EYA1: variants seen among roughly 807,000 people sequenced by gnomAD.
EYA1 encodes the protein protein phosphatase EYA1.
A neutral mutation model predicts 82.0 loss-of-function variants in EYA1; 16 were observed. That is an observed-to-expected ratio of 0.20 (90% confidence interval 0.13 to 0.30). EYA1 has a LOEUF of 0.30. Ranked by LOEUF, EYA1 falls within the 10% of genes least tolerant of loss-of-function variation. The probability of loss-of-function intolerance (pLI) is 1.00; values close to 1 mark genes in which losing one functional copy is unlikely to be tolerated. For missense variants in EYA1, 633 were observed against 730.7 expected, an observed-to-expected ratio of 0.87 and a Z score of 1.54; for synonymous variants, 261 against 264.4, an observed-to-expected ratio of 0.99 and a Z score of 0.12.
At chr8:71,475,659 T>C (rs1301793749) in intron 2 of EYA1, among the ~76,000 whole-genome samples, 1 of 152,198 alleles carries the variant, frequency 6.6e-6, no homozygotes, top group African/African-American at 2.4e-5. Flanking sequence ...GAAAAAATTT[T>C]GGTTCCTTCC....
rs1366621318 is a variant in EYA1, at chr8:71,436,895, G to A, written c.34-80384C>T. 9.2e-5 allele frequency among the ~76,000 whole-genome samples: 14 copies of A among 152,122 alleles called. No homozygotes were observed. The East Asian group carries it at 1.9e-3, about 21-fold the overall frequency. Reference sequence around the variant, plus strand: ...TCTCTCATTAGGGGGACTTTAAAATGAATCATGTTATTTCCTTTTTGTAAA... The same window carrying A: ...TCTCTCATTAGGGGGACTTTAAAATAAATCATGTTATTTCCTTTTTGTAAA... On this transcript the variant is annotated intron_variant, in intron 2 of 18. Coordinates refer to the EYA1 transcript ENST00000643681.
intron 9 of EYA1, among the ~76,000 whole-genome samples, chr8:71,294,276 A>G (rs1042164322): frequency 2.6e-5 from 4 of 152,072 alleles, no homozygotes; most frequent in South Asian, 4.1e-4. Flanking sequence ...TGGCTAACAC[A>G]GTGAAACCCC....
At chr8:71,426,430 G>A (rs1421483183) in intron 2 of EYA1, among the ~76,000 whole-genome samples, 1 of 152,234 alleles carries the variant, frequency 6.6e-6, no homozygotes, top group Non-Finnish European at 1.5e-5. Flanking sequence ...AGTATCACTG[G>A]AGTTTGGATG....
intron 12 of EYA1, among the ~76,000 whole-genome samples, chr8:71,237,630 ACT>A (rs1563671725): frequency 1.3e-5 from 2 of 152,180 alleles, no homozygotes; most frequent in Non-Finnish European, 2.9e-5. Flanking sequence ...TCAATGTTAA[ACT>A]TCTACGATTT....
In EYA1 at chr8:71,205,717, C is replaced by T. The variant is rs183957299; in HGVS notation, c.1698+5439G>A. On this transcript the variant is annotated intron_variant, in intron 17 of 17. Transcript: ENST00000340726. The stretch of plus-strand genomic sequence containing the variant: ...AGAATAGATTTCAATTGACCATTAA[C>T]GAAAGAGGCAACTGGCAGATTTACT... Among the ~76,000 whole-genome samples the T allele has an allele frequency of 6.6e-5, 10 of 152,184 alleles. 1 individual carries two copies. Among genetic ancestry groups the T allele is most frequent in the Admixed American group, 2.6e-4 (4 of 15,284 alleles).
chr8:71,202,710 A>T (rs2128810178), intron 17 of EYA1, among the ~76,000 whole-genome samples: 1 of 152,296 alleles, frequency 6.6e-6, no homozygotes, highest in African/African-American at 2.4e-5. Context: ...GGGACACTCC[A>T]CCCACAAGGA....
At chr8:71,368,021 A>T (rs1329256018) in intron 2 of EYA1, among the ~76,000 whole-genome samples, 1 of 152,152 alleles carries the variant, frequency 6.6e-6, no homozygotes, top group Non-Finnish European at 1.5e-5. Context: ...TGAATGTTGA[A>T]ATGTGTGATT....
chr8:71,356,092 T>C (rs764571165), intron 2 of EYA1, among the ~76,000 whole-genome samples: 9 of 152,228 alleles, frequency 5.9e-5, no homozygotes, highest in African/African-American at 7.2e-5. Context: ...TTACATTGAC[T>C]ATGGGTATCA....
chr8:71,498,346 T>G (rs193166958), intron 2 of EYA1, among the ~76,000 whole-genome samples: 1 of 152,266 alleles, frequency 6.6e-6, no homozygotes, highest in East Asian at 1.9e-4. Flanking sequence ...TTTTAAAAAA[T>G]AAACCTAAAG....
chr8:71,316,412 G>C (rs781442952), intron 7 of EYA1, among the ~76,000 whole-genome samples: 16 of 152,114 alleles, frequency 1.1e-4, no homozygotes, highest in Non-Finnish European at 1.9e-4. Flanking sequence ...TACCTATTTA[G>C]CTAATTCCAT....
At chr8:71,502,326 C>T (rs974309936) in intron 2 of EYA1, among the ~76,000 whole-genome samples, 1 of 152,162 alleles carries the variant, frequency 6.6e-6, no homozygotes, top group South Asian at 2.1e-4. Flanking sequence ...TCTTCTTTGT[C>T]TGCTCCACAT....
At chr8:71,525,120 A>T (rs1262056855) in intron 2 of EYA1, among the ~76,000 whole-genome samples, 4 of 152,336 alleles carry the variant, frequency 2.6e-5, no homozygotes, top group Non-Finnish European at 5.9e-5. Flanking sequence ...GGGCTCAGAG[A>T]TGATCAGAGA....
chr8:71,454,745 G>A (rs1171145153), intron 2 of EYA1, among the ~76,000 whole-genome samples: 3 of 152,186 alleles, frequency 2.0e-5, no homozygotes, highest in Non-Finnish European at 4.4e-5. Context: ...CAACATACCA[G>A]AATCTCTGGG....
chr8:71,327,467 G>C (rs186090486), intron 4 of EYA1, among the ~76,000 whole-genome samples: 1 of 152,138 alleles, frequency 6.6e-6, no homozygotes, highest in Non-Finnish European at 1.5e-5. Flanking sequence ...AAGATATTAA[G>C]AACACTTTGT....
intron 7 of EYA1, among the ~76,000 whole-genome samples, chr8:71,316,053 G>A (rs1563451758): frequency 6.6e-6 from 1 of 152,034 alleles, no homozygotes; most frequent in Non-Finnish European, 1.5e-5. Context: ...GATCTTTAAT[G>A]TGAAAAATAA....
At chr8:71,540,189 C>T in intron 1 of EYA1, among the ~76,000 whole-genome samples, 1 of 152,150 alleles carries the variant, frequency 6.6e-6, no homozygotes, top group East Asian at 1.9e-4. Flanking sequence ...GGCTGCCAAT[C>T]TTTCTTCCCA....
chr8:71,239,100 AATG>A (rs2128894696), intron 12 of EYA1, among the ~76,000 whole-genome samples: 1 of 152,330 alleles, frequency 6.6e-6, no homozygotes, highest in East Asian at 1.9e-4. Flanking sequence ...TCTTATAAGA[AATG>A]ATGAAGAAAC....
At chr8:71,390,694 A>T (rs1829228607) in intron 2 of EYA1, among the ~76,000 whole-genome samples, 1 of 152,160 alleles carries the variant, frequency 6.6e-6, no homozygotes, top group Admixed American at 6.5e-5. Flanking sequence ...AGAAGAACCT[A>T]GTCTGATTTC....
chr8:71,359,424 A>G (rs1827180424), intron 1 of EYA1, among the ~76,000 whole-genome samples: 1 of 152,200 alleles, frequency 6.6e-6, no homozygotes, highest in Non-Finnish European at 1.5e-5. Context: ...AGAGATCATC[A>G]AACAAGACTT....
Sources: gnomAD v4.1 joint callset for allele counts (sites outside exome capture counted in the v4.1 genomes callset) on GRCh38, gnomAD v4.1.1 for gene constraint, MANE v1.5 for transcripts, NCBI Gene and HGNC (gene_info 2026-07-23, HGNC 2026-07-21) for gene names.